Variants in RPAP2 observed in about 807,000 individuals in gnomAD.
RPAP2 encodes the protein putative RNA polymerase II subunit B1 CTD phosphatase RPAP2.
A neutral mutation model predicts 73.1 loss-of-function variants in RPAP2; 52 were observed. That is an observed-to-expected ratio of 0.71 (90% CI 0.57 to 0.90). The LOEUF (loss-of-function observed/expected upper bound fraction) is 0.90, where lower values mean the gene tolerates loss of function less well. RPAP2 is among the 40% of genes least tolerant of loss of function. The pLI, the probability that RPAP2 is intolerant of heterozygous loss-of-function variation, is 0.00. For synonymous variants in RPAP2, 225 were observed against 242.1 expected (o/e 0.93, Z 0.65); for missense variants, 598 against 701.8 (o/e 0.85, Z 1.67).
At chr1:92,346,379 G>T (rs1392818403) in intron 11 of RPAP2, among the ~76,000 whole-genome samples, 3 of 151,944 alleles carry the variant, frequency 2.0e-5, no homozygotes, top group Non-Finnish European at 2.9e-5. Flanking sequence ...GCCCAGGCTG[G>T]TCTTGAACTT....
intron 11 of RPAP2, among the ~76,000 whole-genome samples, chr1:92,360,517 A>T (rs779324940): frequency 1.3e-5 from 2 of 152,294 alleles, no homozygotes; most frequent in East Asian, 3.9e-4. Context: ...AAGTTTGAGC[A>T]TTTTGGTAGC....
chr1:92,346,375 G>A (rs1653901383), intron 11 of RPAP2, among the ~76,000 whole-genome samples: 1 of 151,892 alleles, frequency 6.6e-6, no homozygotes, highest in Admixed American at 6.6e-5. Flanking sequence ...TATTGCCCAG[G>A]CTGGTCTTGA....
At position 92,400,227 on chromosome 1, in the gene RPAP2, T is replaced by C. The variant is rs924034185; in HGVS notation, c.*13216T>C. 5.9e-5 allele frequency: 9 copies of C among 152,214 alleles called. No homozygotes were observed. The highest frequency in any genetic ancestry group is 1.9e-4 in the African/African-American group (8 of 41,448). The allele number at this position is 152,214 out of a possible 1,614,324, so 9.4% of individuals were successfully genotyped here. ...TGAGTTAAACTGAGATTCCCTCCCC[T>C]TCACCCTGGCTTCCTTTGCAGAACA... On this transcript the variant is annotated 3_prime_UTR_variant, in exon 13 of 13. Coordinates refer to ENST00000610020, the MANE Select transcript of RPAP2 (RefSeq NM_024813.3).
intron 11 of RPAP2, among the ~76,000 whole-genome samples, chr1:92,372,570 G>A (rs1455977935): frequency 6.6e-6 from 1 of 152,104 alleles, no homozygotes; most frequent in Non-Finnish European, 1.5e-5. Context: ...CAGAATGTGT[G>A]GCCTGGGGGA....
intron 11 of RPAP2, among the ~76,000 whole-genome samples, chr1:92,349,646 T>C (rs970680401): frequency 5.3e-5 from 8 of 152,152 alleles, no homozygotes; most frequent in Non-Finnish European, 7.4e-5. Flanking sequence ...TTTAAATCTG[T>C]GCCAGGTGCA....
rs1656323093 is a variant in RPAP2, at chr1:92,401,785, T to C, written c.*14774T>C. 6.6e-6 allele frequency: 1 copy of C among 152,266 alleles called. No homozygotes were observed. The highest frequency in any genetic ancestry group is 2.4e-5 in the African/African-American group (1 of 41,472). 9.4% of individuals were successfully genotyped at this position (152,266 alleles called of 1,614,324 possible). ...TTGTCAAAGGCTTTTAATGCATCTATGGAGATGATCCAAGTTTTTTTCCTC... is the reference window on the plus strand; with the variant it reads ...TTGTCAAAGGCTTTTAATGCATCTACGGAGATGATCCAAGTTTTTTTCCTC... On this transcript the variant is annotated 3_prime_UTR_variant, in exon 13 of 13. Transcript: ENST00000610020.
rs1201451995 is a variant in RPAP2, at chr1:92,321,505, G to C, written c.524+871G>C. The stretch of plus-strand genomic sequence containing the variant: ...TTTTCTTTACATTTCCCCACAGCTT[G>C]CTTCTTGACCCAGAGTCTTTTTCAT... On this transcript the variant is annotated intron_variant, in intron 7 of 12. Coordinates refer to ENST00000610020, the MANE Select transcript of RPAP2 (RefSeq NM_024813.3). 3.3e-5 allele frequency among the ~76,000 whole-genome samples: 5 copies of C among 151,546 alleles called. No homozygotes were observed. In the East Asian group the frequency reaches 9.7e-4, roughly 29 times the overall value.
At chr1:92,372,444 A>G (rs1655194406) in intron 11 of RPAP2, among the ~76,000 whole-genome samples, 1 of 152,168 alleles carries the variant, frequency 6.6e-6, no homozygotes, top group African/African-American at 2.4e-5. Context: ...GGACAAATGG[A>G]AGTGAGGAAG....
intron 6 of RPAP2, among the ~76,000 whole-genome samples, chr1:92,312,992 A>G (rs1018772027): frequency 6.6e-6 from 1 of 152,042 alleles, no homozygotes; most frequent in African/African-American, 2.4e-5. Flanking sequence ...CAGCCTCCCA[A>G]GTAGCTGGGA....
chr1:92,346,424 A>G (rs1196554442), intron 11 of RPAP2, among the ~76,000 whole-genome samples: 1 of 152,098 alleles, frequency 6.6e-6, no homozygotes, highest in Admixed American at 6.5e-5. Flanking sequence ...TCTACCTCCC[A>G]AACTGCTAGG....
In RPAP2 at chr1:92,330,868, A is replaced by G. The variant is rs143504381; in HGVS notation, c.1456-2523A>G. Among the ~76,000 whole-genome samples the G allele has an allele frequency of 3.2e-3, 490 of 152,320 alleles. 1 individual carries two copies. The highest frequency in any genetic ancestry group is 5.5e-3 in the Non-Finnish European group (374 of 68,022). On this transcript the variant is annotated intron_variant, in intron 8 of 12. Transcript: ENST00000610020. ...GGTCCATGGAACCAGCAGCGTCAAC[A>G]TCATCTAGAAGCCTGTTAGAAATGC...
intron 10 of RPAP2, among the ~76,000 whole-genome samples, chr1:92,337,802 A>G (rs993275487): frequency 3.9e-5 from 6 of 152,114 alleles, no homozygotes; most frequent in South Asian, 2.1e-4. Flanking sequence ...TTCATCGTCA[A>G]TTCCCCAACA....
At chr1:92,351,305 C>CAAAAAAAAAAAAAA (rs60111119) in intron 11 of RPAP2, among the ~76,000 whole-genome samples, 77 of 86,830 alleles carry the variant, frequency 8.9e-4, no homozygotes, top group African/African-American at 3.1e-3. Flanking sequence ...GACTCTGTCT[C>CAAAAAAAAAAAAAA]AAAAAAAAAA....
At chr1:92,305,989 T>C (rs1030816363) in intron 5 of RPAP2, among the ~76,000 whole-genome samples, 5 of 152,196 alleles carry the variant, frequency 3.3e-5, no homozygotes, top group African/African-American at 1.2e-4. Flanking sequence ...TGTATAAAAA[T>C]GTTTATAGCT....
At chr1:92,351,860 G>C (rs1654236424) in intron 11 of RPAP2, among the ~76,000 whole-genome samples, 1 of 152,216 alleles carries the variant, frequency 6.6e-6, no homozygotes, top group Middle Eastern at 3.4e-3. Context: ...TAATATAAAA[G>C]CTTTGTAAAT....
rs1042815554 is a variant in RPAP2, at chr1:92,401,449, C to T, written c.*14438C>T. 6.6e-6 allele frequency: 1 copy of T among 152,102 alleles called. No homozygotes were observed. Among genetic ancestry groups the T allele is most frequent in the Non-Finnish European group, 1.5e-5 (1 of 68,010 alleles). 9.4% of individuals were successfully genotyped at this position (152,102 alleles called of 1,614,324 possible). On this transcript the variant is annotated 3_prime_UTR_variant, in exon 13 of 13. Transcript: ENST00000610020. ...GTTCTAGTCCCTTTTTTGTAGAATT[C>T]TGAGGACTTTCTACATACACAATCA...
chr1:92,370,169 G>A (rs577993624), intron 11 of RPAP2, among the ~76,000 whole-genome samples: 3 of 152,216 alleles, frequency 2.0e-5, no homozygotes, highest in Admixed American at 6.5e-5. Context: ...ACAGGCATGA[G>A]CCACTGTGCC....
chr1:92,378,456 G>A (rs545421255), intron 11 of RPAP2, among the ~76,000 whole-genome samples: 3 of 152,092 alleles, frequency 2.0e-5, no homozygotes, highest in African/African-American at 7.2e-5. Context: ...CAAATGATCC[G>A]CCCACCTCGG....
At chr1:92,315,454 G>A (rs1000529486) in intron 6 of RPAP2, among the ~76,000 whole-genome samples, 1 of 152,134 alleles carries the variant, frequency 6.6e-6, no homozygotes, top group Non-Finnish European at 1.5e-5. Context: ...TGGAAAAATG[G>A]TGCTGACAGA....
Sources: gnomAD v4.1 joint callset for allele counts (sites outside exome capture counted in the v4.1 genomes callset) on GRCh38, gnomAD v4.1.1 for gene constraint, MANE v1.5 for transcripts, NCBI Gene and HGNC (gene_info 2026-07-23, HGNC 2026-07-21) for gene names.